ST8SIA6: variants seen among roughly 807,000 people sequenced by gnomAD.
ST8SIA6 encodes alpha-2,8-sialyltransferase 8F.
Under a neutral mutation model 33.6 loss-of-function variants are expected in ST8SIA6, and 39 were observed. The observed-to-expected ratio is 1.16, with a 90% CI of 0.90 to 1.52. The LOEUF is 1.52. Among genes scored for constraint, ST8SIA6 ranks in the 40% most tolerant of loss-of-function variants. ST8SIA6 has a pLI of 0.00. For synonymous variants in ST8SIA6, 172 were observed against 167.2 expected, an observed-to-expected ratio of 1.03 and a Z score of -0.22; for missense variants, 441 against 443.8, an observed-to-expected ratio of 0.99 and a Z score of 0.06.
intron 2 of ST8SIA6, among the ~76,000 whole-genome samples, chr10:17,405,739 G>T (rs901556762): frequency 1.3e-5 from 2 of 151,650 alleles, no homozygotes; most frequent in African/African-American, 2.4e-5. Flanking sequence ...AAACTTAGCC[G>T]GGCGTGGTAG....
Position 17,331,452 on chromosome 10 carries a change from T to C in ST8SIA6, c.478A>G (p.Lys160Glu). The C allele has an allele frequency of 1.1e-5, 18 of 1,613,716 alleles. No individual in the cohort carries two copies. Among genetic ancestry groups the C allele is most frequent in the Non-Finnish European group, 1.5e-5 (18 of 1,179,856 alleles). ...TNMSYEVESKKEIPIKKNIFH... is the reference protein window; with the variant it reads ...TNMSYEVESKEEIPIKKNIFH... ...ATGTTCTTCTTAATTGGGATTTCTT[T>C]TTTGCTTTCCACCTCGTAACTCATA... The change falls in exon 5 of 8, where the codon AAA becomes GAA. Residue 160 changes from lysine (K) to glutamate (E), a missense_variant. Physicochemically the swap from Lys to Glu is moderately conservative, Grantham distance 56 (BLOSUM62 1). Transcript: ENST00000377602.
intron 2 of ST8SIA6, among the ~76,000 whole-genome samples, chr10:17,419,703 A>G (rs1166747288): frequency 6.6e-6 from 1 of 152,232 alleles, no homozygotes; most frequent in East Asian, 1.9e-4. Flanking sequence ...TCAGGGAACA[A>G]TATGCCATCT....
At chr10:17,333,179 T>C (rs1471321949) in intron 4 of ST8SIA6, among the ~76,000 whole-genome samples, 1 of 152,104 alleles carries the variant, frequency 6.6e-6, no homozygotes, top group African/African-American at 2.4e-5. Context: ...GAATATAGCT[T>C]ACAAGGAATG....
At chr10:17,358,886 G>A (rs907704262) in intron 4 of ST8SIA6, among the ~76,000 whole-genome samples, 2 of 152,178 alleles carry the variant, frequency 1.3e-5, no homozygotes, top group Non-Finnish European at 2.9e-5. Flanking sequence ...ATGATATGTG[G>A]AGGTATGGGG....
intron 2 of ST8SIA6, chr10:17,403,433 G>T (rs768688232): frequency 1.3e-5 from 2 of 152,172 alleles, no homozygotes; most frequent in Non-Finnish European, 2.9e-5. Context: ...AAAGTGTAGA[G>T]TCAGTGTGGA....
chr10:17,359,548 A>C lies in ST8SIA6; in HGVS notation c.343T>G (p.Trp115Gly). The stretch of plus-strand genomic sequence containing the variant: ...GCATATTCTTCTGCTTGCCGTTTCC[A>C]TGGACAACTCTGTATATCTGTGATA... ...QIITDIQSCP[W>G]KRQAEEYANF... Residue 115 changes from tryptophan (W) to glycine (G), a missense_variant, in exon 4 of 8, where the codon TGG becomes GGG. Physicochemically the swap from Trp to Gly is radical, Grantham distance 184 (BLOSUM62 -2). Coordinates refer to ENST00000377602, the MANE Select transcript of ST8SIA6 (RefSeq NM_001004470.3). 6.2e-7 allele frequency: 1 copy of C among 1,608,492 alleles called. No homozygotes were observed. Among genetic ancestry groups the C allele is most frequent in the Non-Finnish European group, 8.5e-7 (1 of 1,177,994 alleles).
At chr10:17,357,838 T>A (rs1849247606) in intron 4 of ST8SIA6, among the ~76,000 whole-genome samples, 2 of 152,232 alleles carry the variant, frequency 1.3e-5, no homozygotes, top group African/African-American at 4.8e-5. Context: ...TATCTTAGAT[T>A]GATCCTCAAT....
At chr10:17,447,731 A>G (rs1852771720) in intron 2 of ST8SIA6, among the ~76,000 whole-genome samples, 1 of 152,194 alleles carries the variant, frequency 6.6e-6, no homozygotes, top group Non-Finnish European at 1.5e-5. Flanking sequence ...TGTATAATAA[A>G]ATAATAATTA....
chr10:17,388,781 T>C (rs1250961614), intron 3 of ST8SIA6, among the ~76,000 whole-genome samples: 1 of 152,238 alleles, frequency 6.6e-6, no homozygotes, highest in Non-Finnish European at 1.5e-5. Context: ...ATTCAGTTCG[T>C]GGTTTGAGTC....
At chr10:17,435,649 TATTCTCTATCTTAAACAAACAGC>T (rs1421176232) in intron 2 of ST8SIA6, among the ~76,000 whole-genome samples, 1 of 144,580 alleles carries the variant, frequency 6.9e-6, no homozygotes, top group Non-Finnish European at 1.5e-5. Flanking sequence ...TTTGGGTGAC[TATTCTCTATCTTAAACAAACAGC>T]ATTTCAGCCC....
At chr10:17,449,068 G>A (rs1852824429) in intron 2 of ST8SIA6, among the ~76,000 whole-genome samples, 1 of 149,734 alleles carries the variant, frequency 6.7e-6, no homozygotes, top group South Asian at 2.1e-4. Flanking sequence ...AAACAGTTTA[G>A]AATGTATTTT....
intron 2 of ST8SIA6, among the ~76,000 whole-genome samples, chr10:17,438,369 G>T (rs1852357522): frequency 6.6e-6 from 1 of 152,052 alleles, no homozygotes; most frequent in African/African-American, 2.4e-5. Context: ...GGCTCTCAAA[G>T]TTCAAAGGCA....
chr10:17,409,206 TG>T (rs1851367697), intron 2 of ST8SIA6: 1 of 152,524 alleles, frequency 6.6e-6, no homozygotes, highest in Non-Finnish European at 1.5e-5. Flanking sequence ...CTTAAATATT[TG>T]AACCATAACT....
intron 4 of ST8SIA6, among the ~76,000 whole-genome samples, chr10:17,344,620 CCA>C (rs1848774287): frequency 1.3e-5 from 2 of 152,158 alleles, no homozygotes; most frequent in African/African-American, 4.8e-5. Context: ...CACAGTCAAA[CCA>C]CATCATCTGT....
At chr10:17,354,826 A>T (rs1474540555) in intron 4 of ST8SIA6, among the ~76,000 whole-genome samples, 1 of 152,198 alleles carries the variant, frequency 6.6e-6, no homozygotes, top group Admixed American at 6.5e-5. Flanking sequence ...AAAGCCACAG[A>T]TTCTTTTCCC....
chr10:17,346,878 T>G (rs907931426), intron 4 of ST8SIA6, among the ~76,000 whole-genome samples: 1 of 152,134 alleles, frequency 6.6e-6, no homozygotes, highest in Non-Finnish European at 1.5e-5. Context: ...TTTATGTATC[T>G]ATCTATCGAT....
intron 3 of ST8SIA6, among the ~76,000 whole-genome samples, chr10:17,375,152 G>A (rs1428367147): frequency 6.6e-6 from 1 of 152,080 alleles, no homozygotes; most frequent in Non-Finnish European, 1.5e-5. Context: ...GGTCAGAGGT[G>A]AGTAGAAAGA....
intron 2 of ST8SIA6, among the ~76,000 whole-genome samples, chr10:17,400,290 T>C (rs942385084): frequency 6.6e-6 from 1 of 152,182 alleles, no homozygotes; most frequent in African/African-American, 2.4e-5. Context: ...CCCAGCACTT[T>C]GGGAGGCCGA....
intron 3 of ST8SIA6, among the ~76,000 whole-genome samples, chr10:17,384,784 A>G (rs556905950): frequency 6.6e-6 from 1 of 152,194 alleles, no homozygotes; most frequent in Admixed American, 6.6e-5. Flanking sequence ...TTTCATACCT[A>G]CTTACTAATG....
Sources: allele counts gnomAD v4.1 joint callset (sites outside exome capture counted in the v4.1 genomes callset), GRCh38; gene constraint gnomAD v4.1.1; transcripts MANE v1.5; gene names NCBI Gene and HGNC (gene_info 2026-07-23, HGNC 2026-07-21).